The following CPNE8 variants were observed in gnomAD, a reference collection of about 807,000 sequenced individuals.
The protein encoded by CPNE8 is copine-8.
In CPNE8, 45 loss-of-function variants were observed where a neutral mutation model predicts 81.5. The ratio of observed to expected loss-of-function variants is 0.55; its 90% CI spans 0.44 to 0.71. The LOEUF (loss-of-function observed/expected upper bound fraction) is 0.71. Among genes scored for constraint, CPNE8 ranks in the 30% least tolerant of loss-of-function variants. CPNE8 has a pLI of 0.00. For synonymous variants in CPNE8, 252 were observed against 226.3 expected (o/e 1.11, Z -1.02); for missense variants, 594 against 672.1 (o/e 0.88, Z 1.28).
intron 10 of CPNE8, among the ~76,000 whole-genome samples, chr12:38,747,190 T>C (rs1373109795): frequency 2.0e-5 from 3 of 152,220 alleles, no homozygotes; most frequent in African/African-American, 7.2e-5. Flanking sequence ...CTAGCACCAA[T>C]ATTTGTAGCT....
chr12:38,832,508 C>A (rs1177594161), intron 5 of CPNE8, among the ~76,000 whole-genome samples: 1 of 152,126 alleles, frequency 6.6e-6, no homozygotes, highest in Non-Finnish European at 1.5e-5. Flanking sequence ...TACAGCCATA[C>A]AGGGCAGTAT....
At chr12:38,905,387 C>T (rs767324428) in intron 1 of CPNE8, 50 bp downstream of exon 1, 77 of 1,538,662 alleles carry the variant, frequency 5.0e-5, no homozygotes, top group Non-Finnish European at 6.0e-5. Context: ...CAAGTGCTAC[C>T]AACCCCACAG....
In CPNE8 at chr12:38,776,245, C is replaced by T. The variant is rs1565609240; in HGVS notation, c.464G>A (p.Cys155Tyr). 2 of 1,541,108 alleles carry T rather than the reference C, an allele frequency of 1.3e-6. No individual in the cohort carries two copies. ...TIILTAEELN[C>Y]CRDAVLMQFC... ...AAAGAAATATTTACTTACCCTGCAACAGTTTAATTCCTCTGCTGTAAGTAT... is the reference window on the plus strand; with the variant it reads ...AAAGAAATATTTACTTACCCTGCAATAGTTTAATTCCTCTGCTGTAAGTAT... The change falls in exon 7 of 20, where the codon TGT (cysteine) becomes TAT (tyrosine). Residue 155 changes from cysteine to tyrosine, a missense_variant. Physicochemically the swap from Cys to Tyr is radical, Grantham distance 194 (BLOSUM62 -2). Coordinates refer to ENST00000331366, the MANE Select transcript of CPNE8 (RefSeq NM_153634.3).
In CPNE8 at chr12:38,665,828, T is replaced by C. The variant is rs546111596; in HGVS notation, c.1506+4901A>G. 7.2e-5 allele frequency among the ~76,000 whole-genome samples: 11 copies of C among 152,260 alleles called. No individual in the cohort carries two copies. The East Asian group carries it at 1.7e-3, about 24-fold the overall frequency. On this transcript the variant is annotated intron_variant, in intron 19 of 19. Transcript: ENST00000331366. ...TTATTTGTGATTAAGTCTCATTGCC[T>C]CAATATTTAATTTCATATCACTATA...
chr12:38,850,112 C>A (rs1943622331), intron 3 of CPNE8, among the ~76,000 whole-genome samples: 1 of 152,110 alleles, frequency 6.6e-6, no homozygotes, highest in African/African-American at 2.4e-5. Context: ...GCTGGCAGTG[C>A]TCGCGTACTT....
intron 8 of CPNE8, among the ~76,000 whole-genome samples, chr12:38,766,446 T>C (rs1941691669): frequency 6.6e-6 from 1 of 152,264 alleles, no homozygotes; most frequent in African/African-American, 2.4e-5. Flanking sequence ...TCAGATGCTA[T>C]GACACTGACA....
intron 6 of CPNE8, among the ~76,000 whole-genome samples, chr12:38,789,907 C>A (rs760433296): frequency 6.6e-6 from 1 of 151,552 alleles, no homozygotes; most frequent in Non-Finnish European, 1.5e-5. Context: ...ATAGCATCAC[C>A]CCAGTTCAAA....
At chr12:38,883,685 A>G (rs970172576) in intron 1 of CPNE8, among the ~76,000 whole-genome samples, 2 of 152,218 alleles carry the variant, frequency 1.3e-5, no homozygotes, top group Non-Finnish European at 2.9e-5. Context: ...ATAGTATGTT[A>G]CCAAGAAAGC....
rs140968574 is a variant in CPNE8 at position 38,842,254 on chromosome 12, T to C, written c.291-2299A>G. Among the ~76,000 whole-genome samples the C allele has an allele frequency of 3.5e-3, 528 of 152,244 alleles. 1 individual carries two copies. Among genetic ancestry groups the C allele is most frequent in the South Asian group, 9.5e-3 (46 of 4,830 alleles). ...TAAGAAAATTTTTTTAAAGGTAAGA[T>C]TGAAATTAGCAACTTAAACAATATC... is the stretch of plus-strand genomic sequence containing the variant. On this transcript the variant is annotated intron_variant, in intron 4 of 19. Coordinates refer to ENST00000331366, the MANE Select transcript of CPNE8 (RefSeq NM_153634.3).
chr12:38,745,179 G>T (rs1615648), intron 10 of CPNE8, among the ~76,000 whole-genome samples: 8 of 151,972 alleles, frequency 5.3e-5, no homozygotes, highest in African/African-American at 1.9e-4. Context: ...ACATTATAAC[G>T]TACTCAGAAC....
At chr12:38,762,949 C>T (rs755886457) in intron 8 of CPNE8, among the ~76,000 whole-genome samples, 1 of 152,184 alleles carries the variant, frequency 6.6e-6, no homozygotes, top group African/African-American at 2.4e-5. Context: ...ACCTCTGCCG[C>T]CCGGGTTCAT....
intron 6 of CPNE8, among the ~76,000 whole-genome samples, chr12:38,786,375 A>G (rs1222340808): frequency 2.6e-5 from 4 of 152,172 alleles, no homozygotes; most frequent in Non-Finnish European, 5.9e-5. Context: ...GGTGAGCACA[A>G]TCTCATCAGC....
chr12:38,767,667 G>A lies in CPNE8; in HGVS notation c.543C>T (p.Phe181=), dbSNP rs1256287658. 5 of 1,564,208 alleles carry A rather than the reference G, an allele frequency of 3.2e-6. No individual in the cohort carries two copies. The highest frequency in any genetic ancestry group is 4.3e-6 in the Non-Finnish European group (5 of 1,162,066). Residue 181 remains phenylalanine (F), a synonymous_variant, in exon 8 of 20, where the codon TTC becomes TTT. Transcript: ENST00000331366. ...CTTCATTACTTCGATAAAATACAAGGAAAGGATCTGATTTTCCAAAGAAGT... is the reference window on the plus strand; with the variant it reads ...CTTCATTACTTCGATAAAATACAAGAAAAGGATCTGATTTTCCAAAGAAGT... The part of the protein sequence containing the change: ...KKDFFGKSDP[F]LVFYRSNEDG...
intron 3 of CPNE8, among the ~76,000 whole-genome samples, chr12:38,861,107 A>G (rs1184308247): frequency 5.9e-5 from 9 of 152,200 alleles, no homozygotes; most frequent in African/African-American, 2.2e-4. Flanking sequence ...CCTGGAGGAC[A>G]TTATATTAAC....
At chr12:38,824,512 A>G (rs1943157543) in intron 6 of CPNE8, among the ~76,000 whole-genome samples, 1 of 152,148 alleles carries the variant, frequency 6.6e-6, no homozygotes, top group Non-Finnish European at 1.5e-5. Flanking sequence ...AAAAAGCTAG[A>G]AGAAATTATT....
At chr12:38,903,266 G>C (rs981362285) in intron 1 of CPNE8, among the ~76,000 whole-genome samples, 2 of 152,130 alleles carry the variant, frequency 1.3e-5, no homozygotes, top group Non-Finnish European at 2.9e-5. Flanking sequence ...TCAAACAATA[G>C]ACTAAGCACT....
intron 5 of CPNE8, among the ~76,000 whole-genome samples, chr12:38,831,518 C>T (rs1031254246): frequency 4.6e-5 from 7 of 152,202 alleles, no homozygotes; most frequent in Admixed American, 1.3e-4. Context: ...CATACTTGCA[C>T]ATGAGACAAA....
At chr12:38,752,081 T>C (rs1038333834) in intron 10 of CPNE8, among the ~76,000 whole-genome samples, 2 of 152,238 alleles carry the variant, frequency 1.3e-5, no homozygotes, top group Non-Finnish European at 1.5e-5. Context: ...AACATCTGTG[T>C]TTATTCCATC....
chr12:38,906,567 ACCCG>A (rs991703557), upstream of CPNE8: 1 of 985,382 alleles, frequency 1.0e-6, no homozygotes, highest in Non-Finnish European at 1.2e-6. Flanking sequence ...GCCGACTCCC[ACCCG>A]CAAGAACTGA....
Sources: gnomAD v4.1 joint callset for allele counts (sites outside exome capture counted in the v4.1 genomes callset) on GRCh38, gnomAD v4.1.1 for gene constraint, MANE v1.5 for transcripts, NCBI Gene and HGNC (gene_info 2026-07-23, HGNC 2026-07-21) for gene names.